GPC5: variants seen among roughly 807,000 people sequenced by gnomAD.
GPC5 encodes glypican-5.
A neutral mutation model predicts 53.9 loss-of-function variants in GPC5; 47 were observed. That is an observed-to-expected ratio of 0.87 (90% CI 0.69 to 1.11). The LOEUF (loss-of-function observed/expected upper bound fraction) is 1.11, where lower values mean the gene tolerates loss of function less well. GPC5 is among the 50% of genes most tolerant of loss of function. The pLI, the probability that GPC5 is intolerant of heterozygous loss-of-function variation, is 0.00. For synonymous variants in GPC5, 286 were observed against 263.3 expected (o/e 1.09, Z -0.84); for missense variants, 748 against 713.1 (o/e 1.05, Z -0.56).
At chr13:92,529,578 G>A (rs1881481211) in intron 7 of GPC5, among the ~76,000 whole-genome samples, 2 of 152,038 alleles carry the variant, frequency 1.3e-5, no homozygotes, top group South Asian at 2.1e-4. Flanking sequence ...GTAACCAGCT[G>A]GCAAGTAACC....
intron 7 of GPC5, among the ~76,000 whole-genome samples, chr13:92,242,998 T>C (rs1245787755): frequency 6.6e-6 from 1 of 152,212 alleles, no homozygotes; most frequent in African/African-American, 2.4e-5. Flanking sequence ...TTCAGTCTTG[T>C]TTTCAGTCCA....
intron 7 of GPC5, among the ~76,000 whole-genome samples, chr13:92,341,771 G>C (rs191286157): frequency 6.6e-6 from 1 of 151,904 alleles, no homozygotes; most frequent in Admixed American, 6.6e-5. Flanking sequence ...TTATTAAAAT[G>C]GTTTATTGTT....
chr13:92,589,389 GAGGCTAGAGACAATAT>G (rs1883644981), intron 7 of GPC5, among the ~76,000 whole-genome samples: 1 of 152,132 alleles, frequency 6.6e-6, no homozygotes, highest in African/African-American at 2.4e-5. Flanking sequence ...TTTCATCCCT[GAGGCTAGAGACAATAT>G]TCTCTAATTC....
chr13:91,986,365 G>A (rs1242529168), intron 6 of GPC5, among the ~76,000 whole-genome samples: 1 of 151,888 alleles, frequency 6.6e-6, no homozygotes, highest in Non-Finnish European at 1.5e-5. Context: ...ACGCCCGGCC[G>A]CCAATACATT....
At chr13:92,440,196 T>C (rs1877488691) in intron 7 of GPC5, among the ~76,000 whole-genome samples, 1 of 152,186 alleles carries the variant, frequency 6.6e-6, no homozygotes, top group Admixed American at 6.5e-5. Flanking sequence ...AATTAACCCA[T>C]TCCCCATGTA....
chr13:91,422,533 G>T (rs1446042915), intron 1 of GPC5, among the ~76,000 whole-genome samples: 1 of 152,190 alleles, frequency 6.6e-6, no homozygotes, highest in African/African-American at 2.4e-5. Flanking sequence ...CTATTCTGGA[G>T]GCTGAGGCAG....
At chr13:92,292,829 A>T (rs1402575620) in intron 7 of GPC5, among the ~76,000 whole-genome samples, 1 of 152,040 alleles carries the variant, frequency 6.6e-6, no homozygotes, top group African/African-American at 2.4e-5. Context: ...ATCTATCTTG[A>T]GTTGATTTTT....
chr13:91,759,135 T>A (rs1189870476), intron 5 of GPC5, among the ~76,000 whole-genome samples: 1 of 152,180 alleles, frequency 6.6e-6, no homozygotes, highest in South Asian at 2.1e-4. Context: ...ACTCTATCTC[T>A]TTTCTATTTG....
At chr13:92,177,286 T>C (rs945323281) in intron 7 of GPC5, among the ~76,000 whole-genome samples, 6 of 152,198 alleles carry the variant, frequency 3.9e-5, no homozygotes, top group Non-Finnish European at 7.4e-5. Flanking sequence ...CTGACTTTCA[T>C]CATATCTGCT....
At chr13:92,015,118 T>A (rs2040695476) in intron 6 of GPC5, among the ~76,000 whole-genome samples, 1 of 152,166 alleles carries the variant, frequency 6.6e-6, no homozygotes, top group African/African-American at 2.4e-5. Context: ...TTTCAAAGTC[T>A]AGAGACATTT....
chr13:92,866,808 A>G lies in GPC5; in HGVS notation c.*369A>G, dbSNP rs1879351199. On this transcript the variant is annotated 3_prime_UTR_variant, in exon 8 of 8. Transcript: ENST00000377067. ...TAAAAATGTTTTCATTTGAAAGTGT[A>G]TTTGCCAGACAATGAAAACAGTATG... is the stretch of plus-strand genomic sequence containing the variant. 6.3e-6 allele frequency: 1 copy of G among 157,648 alleles called. No homozygotes were observed. Among genetic ancestry groups the G allele is most frequent in the African/African-American group, 2.4e-5 (1 of 41,666 alleles). The allele number at this position is 157,648 out of a possible 1,614,324, so 9.8% of individuals were successfully genotyped here.
At chr13:92,313,799 G>A (rs944638504) in intron 7 of GPC5, among the ~76,000 whole-genome samples, 37 of 152,236 alleles carry the variant, frequency 2.4e-4, no homozygotes, top group African/African-American at 8.7e-4. Context: ...GCCCAGGAAG[G>A]GGTCCTGTTT....
At chr13:91,815,687 C>T (rs1243766934) in intron 5 of GPC5, among the ~76,000 whole-genome samples, 1 of 152,192 alleles carries the variant, frequency 6.6e-6, no homozygotes, top group Non-Finnish European at 1.5e-5. Context: ...CCACACCCTG[C>T]GTGAGACCCA....
At chr13:91,514,105 A>G (rs1158825489) in intron 2 of GPC5, among the ~76,000 whole-genome samples, 2 of 152,222 alleles carry the variant, frequency 1.3e-5, no homozygotes, top group East Asian at 3.8e-4. Context: ...GCTATTGTGA[A>G]CATTAGGATA....
intron 2 of GPC5, among the ~76,000 whole-genome samples, chr13:91,545,973 TTTTGGA>T (rs1260405948): frequency 6.6e-6 from 1 of 152,118 alleles, no homozygotes; most frequent in African/African-American, 2.4e-5. Context: ...GGTGGCTTGT[TTTTGGA>T]TAATATCACT....
chr13:92,863,721 G>A (rs568217326), intron 7 of GPC5, among the ~76,000 whole-genome samples: 18 of 152,198 alleles, frequency 1.2e-4, no homozygotes, highest in African/African-American at 4.1e-4. Flanking sequence ...TTGTACTCCC[G>A]ACCTCAGGTG....
At chr13:92,395,558 C>T (rs936490225) in intron 7 of GPC5, among the ~76,000 whole-genome samples, 1 of 152,186 alleles carries the variant, frequency 6.6e-6, no homozygotes, top group Admixed American at 6.5e-5. Flanking sequence ...ATCTTCAACA[C>T]TCTTCCTTAT....
intron 7 of GPC5, among the ~76,000 whole-genome samples, chr13:92,808,691 C>T (rs143348884): frequency 1.1e-3 from 171 of 152,196 alleles, no homozygotes; most frequent in African/African-American, 4.0e-3. Context: ...AAAAATGCAG[C>T]TCTAGAACAT....
At position 92,332,305 on chromosome 13, in the gene GPC5, C is replaced by A. The variant is rs530985394; in HGVS notation, c.1561+187316C>A. 4.6e-5 allele frequency among the ~76,000 whole-genome samples: 7 copies of A among 152,208 alleles called. No individual in the cohort carries two copies. In the East Asian group the frequency reaches 1.4e-3, roughly 29 times the overall value. On this transcript the variant is annotated intron_variant, in intron 7 of 7. Transcript: ENST00000377067. Reference sequence around the variant, plus strand: ...ACTAGAATAAACAAACTGAGGATATCGGTTTGATAGCTTATGTAATGTTTT... The same window carrying A: ...ACTAGAATAAACAAACTGAGGATATAGGTTTGATAGCTTATGTAATGTTTT...
Sources: gnomAD v4.1 joint callset for allele counts (sites outside exome capture counted in the v4.1 genomes callset) on GRCh38, gnomAD v4.1.1 for gene constraint, MANE v1.5 for transcripts, NCBI Gene and HGNC (gene_info 2026-07-23, HGNC 2026-07-21) for gene names.